The following ROBO1 variants were observed in gnomAD, a reference collection of about 807,000 sequenced individuals.
The protein encoded by ROBO1 is roundabout homolog 1.
A neutral mutation model predicts 195.9 loss-of-function variants in ROBO1; 149 were observed. The ratio of observed to expected loss-of-function variants is 0.76; its 90% confidence interval spans 0.67 to 0.87. The LOEUF (loss-of-function observed/expected upper bound fraction) is 0.87. Among genes scored for constraint, ROBO1 ranks in the 40% least tolerant of loss-of-function variants. The probability of loss-of-function intolerance (pLI) is 0.00; values close to 1 mark genes in which losing one functional copy is unlikely to be tolerated. For missense variants in ROBO1, 1,933 were observed against 2,068.3 expected (o/e 0.93, Z 1.27); for synonymous variants, 816 against 733.2 (o/e 1.11, Z -1.82).
Position 78,879,643 on chromosome 3 carries a change from G to A in ROBO1, c.499+58958C>T, listed in dbSNP as rs562576007. ...CACATGCCCCTTTGACCATTTCAGG[G>A]AAAAAAAAAAAGAACAATAAAAACG... On this transcript the variant is annotated intron_variant, in intron 4 of 30. Transcript: ENST00000464233. Among the ~76,000 whole-genome samples the A allele has an allele frequency of 1.1e-3, 165 of 144,376 alleles. 2 individuals are homozygous for A. The Middle Eastern group carries it at 0.014, about 12-fold the overall frequency. The allele number at this position is 144,376 out of a possible 152,430, so 94.7% of individuals were successfully genotyped here.
intron 1 of ROBO1, among the ~76,000 whole-genome samples, chr3:79,651,769 C>A (rs1275859675): frequency 5.9e-5 from 9 of 152,148 alleles, no homozygotes; most frequent in Non-Finnish European, 1.0e-4. Context: ...AAGTATTATA[C>A]TTTCATTCCA....
intron 11 of ROBO1, among the ~76,000 whole-genome samples, chr3:78,669,806 A>G (rs892054615): frequency 1.1e-4 from 16 of 152,306 alleles, no homozygotes; most frequent in African/African-American, 3.8e-4. Flanking sequence ...TACTTTGAAG[A>G]TATTTATTCT....
chr3:78,822,983 G>A (rs2031161199), intron 4 of ROBO1, among the ~76,000 whole-genome samples: 1 of 152,118 alleles, frequency 6.6e-6, no homozygotes. Context: ...CAAATGTTCT[G>A]TTCTTTTTCA....
At chr3:79,317,943 A>G (rs532546080) in intron 2 of ROBO1, among the ~76,000 whole-genome samples, 10 of 152,182 alleles carry the variant, frequency 6.6e-5, no homozygotes, top group African/African-American at 2.4e-4. Context: ...GATATTTATT[A>G]TAAGAAATTG....
intron 2 of ROBO1, among the ~76,000 whole-genome samples, chr3:79,173,736 C>T (rs1402318082): frequency 1.3e-5 from 2 of 152,174 alleles, no homozygotes; most frequent in African/African-American, 4.8e-5. Context: ...GCAGGCAGCT[C>T]CACCTGTGGC....
chr3:79,082,948 T>C (rs928653585), intron 3 of ROBO1, among the ~76,000 whole-genome samples: 1 of 152,228 alleles, frequency 6.6e-6, no homozygotes, highest in African/African-American at 2.4e-5. Context: ...TCTGCTATCA[T>C]GCAGTTGATT....
intron 2 of ROBO1, among the ~76,000 whole-genome samples, chr3:79,499,723 G>C (rs1939953153): frequency 6.6e-6 from 1 of 152,154 alleles, no homozygotes; most frequent in South Asian, 2.1e-4. Flanking sequence ...TTTACACTAG[G>C]TACAAGAGGC....
intron 1 of ROBO1, among the ~76,000 whole-genome samples, chr3:79,663,333 G>A (rs927497624): frequency 6.6e-6 from 1 of 152,012 alleles, no homozygotes; most frequent in Non-Finnish European, 1.5e-5. Flanking sequence ...TGGATTATAT[G>A]TTTGTCAAAA....
At chr3:79,128,336 A>G (rs1378637) in intron 2 of ROBO1, among the ~76,000 whole-genome samples, 109,710 of 151,932 alleles carry the variant, frequency 0.72, 39,749 homozygotes, top group East Asian at 0.8. Context: ...TGTCACCCCC[A>G]TTATAATCTA....
intron 2 of ROBO1, among the ~76,000 whole-genome samples, chr3:79,531,746 G>T (rs374423465): frequency 9.9e-5 from 15 of 152,092 alleles, no homozygotes; most frequent in East Asian, 3.9e-4. Flanking sequence ...GAGACACTCG[G>T]TGTTGATTCA....
At chr3:78,997,010 T>C (rs973562162) in intron 3 of ROBO1, among the ~76,000 whole-genome samples, 3 of 152,198 alleles carry the variant, frequency 2.0e-5, no homozygotes, top group Non-Finnish European at 4.4e-5. Context: ...TGGCAATGTC[T>C]GGATATTTTT....
At chr3:79,333,747 T>C (rs2034545869) in intron 2 of ROBO1, among the ~76,000 whole-genome samples, 1 of 152,180 alleles carries the variant, frequency 6.6e-6, no homozygotes, top group Non-Finnish European at 1.5e-5. Flanking sequence ...TTACAGACTC[T>C]GGAAATAAAC....
chr3:79,714,997 A>C (rs910591709), intron 1 of ROBO1, among the ~76,000 whole-genome samples: 2 of 151,700 alleles, frequency 1.3e-5, no homozygotes, highest in African/African-American at 4.8e-5. Context: ...TTAAAGTATA[A>C]TAATAATAAA....
At chr3:78,869,808 G>C (rs1232710221) in intron 4 of ROBO1, among the ~76,000 whole-genome samples, 2 of 152,064 alleles carry the variant, frequency 1.3e-5, no homozygotes, top group Non-Finnish European at 2.9e-5. Flanking sequence ...ATCTCAAAGA[G>C]AGAATATTAG....
intron 2 of ROBO1, among the ~76,000 whole-genome samples, chr3:79,406,160 T>C (rs1168025962): frequency 6.6e-6 from 1 of 150,840 alleles, no homozygotes; most frequent in Non-Finnish European, 1.5e-5. Flanking sequence ...CAGCTGGAGA[T>C]AACCGTAGAG....
At chr3:79,454,533 G>A (rs181601626) in intron 2 of ROBO1, among the ~76,000 whole-genome samples, 1 of 152,142 alleles carries the variant, frequency 6.6e-6, no homozygotes, top group East Asian at 1.9e-4. Flanking sequence ...CAAATTTCTA[G>A]TGATGCATTT....
chr3:78,885,614 T>G (rs532814337), intron 4 of ROBO1, among the ~76,000 whole-genome samples: 2 of 151,334 alleles, frequency 1.3e-5, no homozygotes, highest in African/African-American at 4.8e-5. Flanking sequence ...CCAGGGAATA[T>G]TCTACATTGT....
intron 3 of ROBO1, among the ~76,000 whole-genome samples, chr3:79,007,233 T>G (rs1208652174): frequency 6.6e-6 from 1 of 152,228 alleles, no homozygotes; most frequent in Non-Finnish European, 1.5e-5. Context: ...TGGGTAGCTT[T>G]GGAGGATAAA....
At chr3:79,684,865 G>A (rs770887800) in intron 1 of ROBO1, among the ~76,000 whole-genome samples, 1 of 151,736 alleles carries the variant, frequency 6.6e-6, no homozygotes, top group African/African-American at 2.4e-5. Context: ...TAGTAGAGAC[G>A]GGGTTTCACC....
Sources: allele counts gnomAD v4.1 joint callset (sites outside exome capture counted in the v4.1 genomes callset), GRCh38; gene constraint gnomAD v4.1.1; transcripts MANE v1.5; gene names NCBI Gene and HGNC (gene_info 2026-07-23, HGNC 2026-07-21).